Variants in ZFHX4 observed in about 807,000 individuals in gnomAD.
ZFHX4 encodes zinc finger homeobox 4.
A neutral mutation model predicts 267.6 loss-of-function variants in ZFHX4; 56 were observed. That is an observed-to-expected ratio of 0.21 (90% CI 0.17 to 0.26). The LOEUF (loss-of-function observed/expected upper bound fraction) is 0.26, where lower values mean the gene tolerates loss of function less well. Among genes scored for constraint, ZFHX4 ranks in the 10% least tolerant of loss-of-function variants. ZFHX4 has a pLI of 1.00. For missense variants in ZFHX4, 4,332 were observed against 4,420.0 expected (o/e 0.98, Z 0.56); for synonymous variants, 1,778 against 1,665.6 (o/e 1.07, Z -1.64).
At chr8:76,747,261 C>G (rs7013288) in intron 3 of ZFHX4, among the ~76,000 whole-genome samples, 1 of 151,876 alleles carries the variant, frequency 6.6e-6, no homozygotes, top group Non-Finnish European at 1.5e-5. Context: ...CTATTAAGCT[C>G]GATTTTTGTT....
intron 3 of ZFHX4, among the ~76,000 whole-genome samples, chr8:76,731,214 A>G (rs971912403): frequency 3.3e-5 from 5 of 152,078 alleles, no homozygotes; most frequent in African/African-American, 1.2e-4. Flanking sequence ...CTTTCATAAG[A>G]CTCTCAGACC....
intron 3 of ZFHX4, among the ~76,000 whole-genome samples, chr8:76,773,919 T>A (rs1810335358): frequency 6.6e-6 from 1 of 152,090 alleles, no homozygotes; most frequent in South Asian, 2.1e-4. Context: ...AAAAATGATG[T>A]TTTTACCTGT....
At chr8:76,791,624 A>T (rs945433764) in intron 4 of ZFHX4, among the ~76,000 whole-genome samples, 1 of 152,156 alleles carries the variant, frequency 6.6e-6, no homozygotes, top group Non-Finnish European at 1.5e-5. Flanking sequence ...GTGGCAGAGT[A>T]AGGAAGAAAA....
chr8:76,857,354 TTATATATATATA>T (rs10576780), intron 10 of ZFHX4, among the ~76,000 whole-genome samples: 6 of 143,434 alleles, frequency 4.2e-5, no homozygotes, highest in South Asian at 2.2e-4. Context: ...TTCACTAATT[TTATATATATATA>T]TATATATATA....
chr8:76,778,299 T>G lies in ZFHX4; in HGVS notation c.3185T>G (p.Leu1062Arg). The G allele has an allele frequency of 1.9e-6, 3 of 1,613,868 alleles. No individual in the cohort carries two copies. Among genetic ancestry groups the G allele is most frequent in the Non-Finnish European group, 2.5e-6 (3 of 1,179,790 alleles). ...TACACCACCAAGGTCAAGTTGAATC[T>G]GGTACAACATGTCCGTTCGGTGAAG... ...CDYTTKVKLN[L>R]VQHVRSVKHQ... The change falls in exon 4 of 11, where the codon CTG (leucine) becomes CGG (arginine). Residue 1062 changes from leucine (L) to arginine (R), a missense_variant. Around this residue, in one of 7 missense-constraint regions of ZFHX4, gnomAD observed 1,371 missense variants for 1,423.1 expected, o/e 0.96. Transcript: ENST00000651372.
At chr8:76,834,003 G>T (rs989961168) in intron 5 of ZFHX4, 3 of 266,678 alleles carry the variant, frequency 1.1e-5, no homozygotes, top group African/African-American at 4.5e-5. Context: ...TTTTTAGATT[G>T]GTTTCATTCA....
chr8:76,684,788 C>A (rs983885843), intron 1 of ZFHX4, among the ~76,000 whole-genome samples: 2 of 152,070 alleles, frequency 1.3e-5, no homozygotes, highest in Non-Finnish European at 2.9e-5. Context: ...CAAATCTGTT[C>A]ATTAATTTTG....
At position 76,856,207 on chromosome 8, in the gene ZFHX4, A is replaced by G. The variant is rs2131964555; in HGVS notation, c.9286A>G (p.Thr3096Ala). 1 of 1,613,940 alleles carries G rather than the reference A, an allele frequency of 6.2e-7. No individual in the cohort carries two copies. Among genetic ancestry groups the G allele is most frequent in the Non-Finnish European group, 8.5e-7 (1 of 1,179,860 alleles). Residue 3096 changes from threonine (T) to alanine (A), a missense_variant, in exon 10 of 11, where the codon ACA (threonine) becomes GCA (alanine). By Grantham distance (58) the Thr-to-Ala change is moderately conservative. Around this residue, in one of 7 missense-constraint regions of ZFHX4, gnomAD observed 1,648 missense variants for 1,625.0 expected, o/e 1.01. Coordinates refer to ENST00000651372, the MANE Select transcript of ZFHX4 (RefSeq NM_024721.5). ...SSSLHGISLP[T>A]AYPGLPGLPP... Reference sequence around the variant, plus strand: ...TTCTCTCCACGGCATCAGCCTGCCAACAGCCTACCCCGGACTCCCCGGCCT... The same window carrying G: ...TTCTCTCCACGGCATCAGCCTGCCAGCAGCCTACCCCGGACTCCCCGGCCT...
At position 76,704,931 on chromosome 8, in the gene ZFHX4, C is replaced by A; in HGVS notation, c.843C>A (p.Phe281Leu). 1.9e-6 allele frequency: 3 copies of A among 1,614,050 alleles called. No individual in the cohort carries two copies. The highest frequency in any genetic ancestry group is 1.7e-6 in the Non-Finnish European group (2 of 1,179,900). The change falls in exon 2 of 11, where the codon TTC becomes TTA. Residue 281 changes from phenylalanine to leucine, a missense_variant. Coordinates refer to ENST00000651372, the MANE Select transcript of ZFHX4 (RefSeq NM_024721.5). ...AAAGGAAACCTGTTTTAATGTGTTT[C>A]TTGTGCAAGTTGTCTTTTGGTTATA... Reference protein sequence around the residue: ...DGKRKPVLMCFLCKLSFGYIR... With the variant: ...DGKRKPVLMCLLCKLSFGYIR...
chr8:76,843,637 G>A (rs189585350), intron 6 of ZFHX4, among the ~76,000 whole-genome samples: 61 of 152,240 alleles, frequency 4.0e-4, no homozygotes, highest in Non-Finnish European at 7.5e-4. Flanking sequence ...GTTTTATTAT[G>A]TTGGACTCAT....
intron 3 of ZFHX4, among the ~76,000 whole-genome samples, chr8:76,729,622 A>G (rs1808945632): frequency 6.6e-6 from 1 of 152,162 alleles, no homozygotes; most frequent in Non-Finnish European, 1.5e-5. Context: ...TGCCTCTTAC[A>G]GTGGTCCTGG....
chr8:76,781,633 T>G (rs2131780711), intron 4 of ZFHX4, among the ~76,000 whole-genome samples: 1 of 152,216 alleles, frequency 6.6e-6, no homozygotes, highest in Non-Finnish European at 1.5e-5. Context: ...ATGCAGAATA[T>G]ATCTTAAACA....
At chr8:76,716,105 G>A (rs1475321795) in intron 3 of ZFHX4, among the ~76,000 whole-genome samples, 1 of 152,120 alleles carries the variant, frequency 6.6e-6, no homozygotes, top group Non-Finnish European at 1.5e-5. Flanking sequence ...AGTTTGGGAG[G>A]AAAGCTTTTA....
intron 3 of ZFHX4, among the ~76,000 whole-genome samples, chr8:76,755,521 G>A (rs941252258): frequency 7.2e-5 from 11 of 152,096 alleles, no homozygotes; most frequent in African/African-American, 1.9e-4. Flanking sequence ...ATAAAAGCGC[G>A]GCTAAACATT....
chr8:76,827,007 C>A (rs1811802717), intron 4 of ZFHX4, among the ~76,000 whole-genome samples: 1 of 152,186 alleles, frequency 6.6e-6, no homozygotes, highest in African/African-American at 2.4e-5. Flanking sequence ...GATGAGCAAC[C>A]TAGCAAAGCC....
At chr8:76,723,437 G>A (rs1808774579) in intron 3 of ZFHX4, among the ~76,000 whole-genome samples, 1 of 151,768 alleles carries the variant, frequency 6.6e-6, no homozygotes, top group Admixed American at 6.6e-5. Context: ...ATGTCAGGTT[G>A]CTTGTTTCCC....
At chr8:76,693,083 G>C (rs1383920079) in intron 1 of ZFHX4, among the ~76,000 whole-genome samples, 1 of 152,154 alleles carries the variant, frequency 6.6e-6, no homozygotes, top group Non-Finnish European at 1.5e-5. Flanking sequence ...TAAAACTGCA[G>C]CCTCCATGAG....
intron 1 of ZFHX4, among the ~76,000 whole-genome samples, chr8:76,702,775 A>G (rs541451364): frequency 6.6e-6 from 1 of 152,334 alleles, no homozygotes; most frequent in East Asian, 1.9e-4. Context: ...GATTTGAAAT[A>G]AGGTTGCTTA....
Position 76,851,726 on chromosome 8 carries a change from A to G in ZFHX4, c.4805A>G (p.Tyr1602Cys). Residue 1602 changes from tyrosine (Y) to cysteine (C), a missense_variant, in exon 10 of 11, where the codon TAC becomes TGC. Physicochemically the swap from Tyr to Cys is radical, Grantham distance 194 (BLOSUM62 -2). Around this residue, in one of 7 missense-constraint regions of ZFHX4, gnomAD observed 1,371 missense variants for 1,423.1 expected, o/e 0.96. Coordinates refer to ENST00000651372, the MANE Select transcript of ZFHX4 (RefSeq NM_024721.5). ...AAGTGCAGCATCTGCAATGTTGCAT[A>G]CAGCCAAAGCTCAACATTGGAAATC... ...PYKCSICNVA[Y>C]SQSSTLEIHM... is the part of the protein sequence containing the mutation. 6.2e-7 allele frequency: 1 copy of G among 1,613,996 alleles called. No individual in the cohort carries two copies. Among genetic ancestry groups the G allele is most frequent in the African/African-American group, 1.3e-5 (1 of 75,062 alleles).
Sources: gnomAD v4.1 joint callset for allele counts (sites outside exome capture counted in the v4.1 genomes callset) on GRCh38, gnomAD v4.1.1 for gene constraint, gnomAD v4.1.1 regional missense constraint, MANE v1.5 for transcripts, NCBI Gene and HGNC (gene_info 2026-07-23, HGNC 2026-07-21) for gene names.